The following ABCB5 variants were observed in gnomAD, a reference collection of about 807,000 sequenced individuals.
The protein encoded by ABCB5 is ATP binding cassette subfamily B member 5.
A neutral mutation model predicts 144.2 loss-of-function variants in ABCB5; 155 were observed. The observed-to-expected ratio is 1.08, with a 90% CI of 0.94 to 1.23. The LOEUF (loss-of-function observed/expected upper bound fraction) is 1.23, where lower values mean the gene tolerates loss of function less well. Ranked by LOEUF, ABCB5 falls within the 50% of genes most tolerant of loss-of-function variation. The pLI, the probability that ABCB5 is intolerant of heterozygous loss-of-function variation, is 0.00. For missense variants in ABCB5, 1,830 were observed against 1,520.8 expected (o/e 1.20, Z -3.38); for synonymous variants, 610 against 528.6 (o/e 1.15, Z -2.11).
chr7:20,723,807 G>C (rs1361690473), intron 21 of ABCB5, among the ~76,000 whole-genome samples: 2 of 152,150 alleles, frequency 1.3e-5, no homozygotes, highest in African/African-American at 4.8e-5. Context: ...CTGAATGCAA[G>C]GCCATGCACT....
At chr7:20,738,948 T>A (rs753277401) in intron 23 of ABCB5, 35 bp from the exon 24 acceptor site, 1 of 1,540,554 alleles carries the variant, frequency 6.5e-7, no homozygotes, top group Admixed American at 2.1e-5. Context: ...AAAGGATCGA[T>A]GGACCTAAGA....
intron 2 of ABCB5, among the ~76,000 whole-genome samples, chr7:20,624,593 C>G (rs896308370): frequency 1.3e-5 from 2 of 152,058 alleles, no homozygotes; most frequent in Non-Finnish European, 2.9e-5. Context: ...TGGATGGGCC[C>G]TGAAAAGTGA....
intron 5 of ABCB5, among the ~76,000 whole-genome samples, chr7:20,632,326 T>C (rs905830224): frequency 2.0e-5 from 3 of 152,176 alleles, no homozygotes; most frequent in African/African-American, 7.2e-5. Context: ...ATGCTTTGAG[T>C]TGTAGTTGAC....
chr7:20,719,633 G>A lies in ABCB5; in HGVS notation c.2422-3383G>A, dbSNP rs1329972642. Among the ~76,000 whole-genome samples the A allele has an allele frequency of 2.0e-5, 3 of 152,212 alleles. No individual in the cohort carries two copies. In the South Asian group the frequency reaches 6.2e-4, roughly 32 times the overall value. ...CAGCCCCGATATTATGACACCCAGT[G>A]TGGTGGCAGCCCCGTGCAGGGAAGC... is the stretch of plus-strand genomic sequence containing the variant. On this transcript the variant is annotated intron_variant, in intron 20 of 27. Transcript: ENST00000404938.
chr7:20,649,305 G>A (rs180936889), intron 11 of ABCB5, among the ~76,000 whole-genome samples: 205 of 152,238 alleles, frequency 1.3e-3, no homozygotes, highest in African/African-American at 4.7e-3. Context: ...TACAAATGGT[G>A]AGATCAAAGC....
intron 14 of ABCB5, among the ~76,000 whole-genome samples, chr7:20,664,093 GA>G (rs990975237): frequency 2.0e-5 from 3 of 151,094 alleles, no homozygotes; most frequent in East Asian, 1.9e-4. Flanking sequence ...AAAGAACAGT[GA>G]AAAAAAATTA....
intron 14 of ABCB5, among the ~76,000 whole-genome samples, chr7:20,675,543 A>C (rs969631606): frequency 1.1e-4 from 16 of 152,130 alleles, no homozygotes; most frequent in Non-Finnish European, 1.3e-4. Context: ...CTTAAAATGA[A>C]ACTGTAAAAC....
chr7:20,652,938 T>TG (rs1562540519), intron 13 of ABCB5, among the ~76,000 whole-genome samples: 1 of 149,998 alleles, frequency 6.7e-6, no homozygotes, highest in African/African-American at 2.4e-5. Flanking sequence ...GGTTTTTAAT[T>TG]TAAAAAATTT....
chr7:20,749,532 T>C (rs1467349288), intron 26 of ABCB5, among the ~76,000 whole-genome samples: 2 of 150,620 alleles, frequency 1.3e-5, no homozygotes, highest in Non-Finnish European at 2.9e-5. Flanking sequence ...TCTTCATTCC[T>C]CTATCCCAAC....
At chr7:20,743,663 CCCA>C (rs1782630239) in intron 25 of ABCB5, among the ~76,000 whole-genome samples, 1 of 152,108 alleles carries the variant, frequency 6.6e-6, no homozygotes, top group Non-Finnish European at 1.5e-5. Flanking sequence ...CCCCCCACCA[CCCA>C]CCACCACATC....
chr7:20,635,057 T>C (rs1172822691), intron 5 of ABCB5, among the ~76,000 whole-genome samples: 1 of 152,172 alleles, frequency 6.6e-6, no homozygotes, highest in African/African-American at 2.4e-5. Context: ...AAGTCTTTAA[T>C]CCATCTTTAG....
chr7:20,701,384 ATTTAT>A (rs1786622581), intron 19 of ABCB5, among the ~76,000 whole-genome samples: 1 of 152,096 alleles, frequency 6.6e-6, no homozygotes, highest in East Asian at 1.9e-4. Flanking sequence ...GTTCAAATAA[ATTTAT>A]TTTAAATTTC....
chr7:20,617,902 T>A (rs796997366), intron 1 of ABCB5, among the ~76,000 whole-genome samples: 1 of 152,004 alleles, frequency 6.6e-6, no homozygotes, highest in African/African-American at 2.4e-5. Context: ...AACAGTCAAA[T>A]CACCAAGAAG....
At chr7:20,709,788 C>T (rs1480871661) in intron 20 of ABCB5, among the ~76,000 whole-genome samples, 3 of 149,670 alleles carry the variant, frequency 2.0e-5, no homozygotes, top group African/African-American at 2.5e-5. Flanking sequence ...TCAGCCAGTT[C>T]GTTAAGATAA....
chr7:20,713,670 T>C (rs1583444507), intron 20 of ABCB5, among the ~76,000 whole-genome samples: 1 of 149,564 alleles, frequency 6.7e-6, no homozygotes, highest in East Asian at 2.0e-4. Context: ...TTTGATCTTT[T>C]TGGGTCTTGG....
At chr7:20,689,661 G>C (rs186326820) in intron 16 of ABCB5, among the ~76,000 whole-genome samples, 1 of 152,170 alleles carries the variant, frequency 6.6e-6, no homozygotes, top group Non-Finnish European at 1.5e-5. Context: ...AAACTATGCA[G>C]GCAGAACAGA....
chr7:20,732,676 C>T (rs1476327101), intron 23 of ABCB5, among the ~76,000 whole-genome samples: 1 of 152,200 alleles, frequency 6.6e-6, no homozygotes, highest in Non-Finnish European at 1.5e-5. Flanking sequence ...TTCTTTTCTA[C>T]ACCCATATGT....
rs760363515 is a variant in ABCB5, at chr7:20,650,093, G to A, written c.1278G>A (p.Gly426=). 6.2e-7 allele frequency: 1 copy of A among 1,613,688 alleles called. No homozygotes were observed. The highest frequency in any genetic ancestry group is 1.1e-5 in the South Asian group (1 of 91,074). Residue 426 remains glycine, a synonymous_variant, in exon 12 of 28, where the codon GGG becomes GGA. Transcript: ENST00000404938. Reference sequence around the variant, plus strand: ...CCTTGGTCGGTCTCAATGGCAGTGGGAAGAGTACGGTAGTCCAGCTTCTGC... The same window carrying A: ...CCTTGGTCGGTCTCAATGGCAGTGGAAAGAGTACGGTAGTCCAGCTTCTGC... ...TVALVGLNGS[G]KSTVVQLLQR...
In ABCB5 at chr7:20,647,600, C is replaced by A. The variant is rs1007443899; in HGVS notation, c.1047C>A (p.Phe349Leu). 4 of 1,587,568 alleles carry A rather than the reference C, an allele frequency of 2.5e-6. No homozygotes were observed. The South Asian group carries it at 4.6e-5, about 18-fold the overall frequency. ...CAGCAGTCCCTCACTTTGAAACCTT[C>A]GCAATAGCCCGAGGAGCTGCCTTTC... ...IGAAVPHFET[F>L]AIARGAAFHI... Residue 349 changes from phenylalanine (F) to leucine (L), a missense_variant, in exon 10 of 28, where the codon TTC (phenylalanine) becomes TTA (leucine). Phe to Leu is a conservative substitution (Grantham distance 22, BLOSUM62 0). Transcript: ENST00000404938.
Sources: gnomAD v4.1 joint callset for allele counts (sites outside exome capture counted in the v4.1 genomes callset) on GRCh38, gnomAD v4.1.1 for gene constraint, MANE v1.5 for transcripts, NCBI Gene and HGNC (gene_info 2026-07-23, HGNC 2026-07-21) for gene names.